TRIM24: variants seen among roughly 807,000 people sequenced by gnomAD.
TRIM24 encodes tripartite motif containing 24, also known as transcription intermediary factor 1-alpha.
TRIM24 carries 29 observed loss-of-function variants against 123.9 expected under a neutral mutation model. The observed-to-expected ratio is 0.23, with a 90% CI of 0.17 to 0.32. The LOEUF (loss-of-function observed/expected upper bound fraction) is 0.32. TRIM24 is among the 10% of genes least tolerant of loss of function. The pLI, the probability that TRIM24 is intolerant of heterozygous loss-of-function variation, is 1.00. For missense variants in TRIM24, 932 were observed against 1,295.3 expected, an observed-to-expected ratio of 0.72 and a Z score of 4.31; for synonymous variants, 456 against 461.1, an observed-to-expected ratio of 0.99 and a Z score of 0.14.
intron 1 of TRIM24, among the ~76,000 whole-genome samples, chr7:138,483,135 G>T (rs2116481396): frequency 6.6e-6 from 1 of 151,796 alleles, no homozygotes; most frequent in African/African-American, 2.4e-5. Flanking sequence ...GCCCAGGCTG[G>T]TGTCAAATCC....
At chr7:138,536,511 T>C (rs904259424) in intron 6 of TRIM24, among the ~76,000 whole-genome samples, 2 of 152,244 alleles carry the variant, frequency 1.3e-5, no homozygotes, top group Non-Finnish European at 2.9e-5. Flanking sequence ...GGTATCAGCA[T>C]TGGAGGCTGC....
At chr7:138,502,080 G>A (rs557822148) in intron 1 of TRIM24, among the ~76,000 whole-genome samples, 16 of 152,214 alleles carry the variant, frequency 1.1e-4, no homozygotes, top group South Asian at 4.2e-4. Flanking sequence ...TCCTTATTAG[G>A]TAGAGGTATA....
In TRIM24 at chr7:138,568,934, C is replaced by G. The variant is rs190087047; in HGVS notation, c.1704+1280C>G. Reference sequence around the variant, plus strand: ...AAAGTATGTACACTCTGTGTCTATACATATCTTCGTATAATCAATTTGCCT... The same window carrying G: ...AAAGTATGTACACTCTGTGTCTATAGATATCTTCGTATAATCAATTTGCCT... On this transcript the variant is annotated intron_variant, in intron 10 of 18. Transcript: ENST00000343526. Among the ~76,000 whole-genome samples, 382 of 152,242 alleles carry G rather than the reference C, an allele frequency of 2.5e-3. 6 individuals carry two copies. The highest frequency in any genetic ancestry group is 0.02 in the Admixed American group (307 of 15,282).
chr7:138,515,128 A>G (rs1792874069), intron 2 of TRIM24, 84 bp from the exon 3 acceptor site: 3 of 1,372,076 alleles, frequency 2.2e-6, no homozygotes, highest in African/African-American at 1.4e-5. Flanking sequence ...GCCTGGTACA[A>G]TTGGTGTATC....
chr7:138,531,894 T>C (rs913902112), intron 6 of TRIM24, among the ~76,000 whole-genome samples: 1 of 152,188 alleles, frequency 6.6e-6, no homozygotes, highest in Non-Finnish European at 1.5e-5. Flanking sequence ...TTCCTGACTT[T>C]TTAATGATGG....
chr7:138,509,800 C>G (rs994408432), intron 2 of TRIM24, among the ~76,000 whole-genome samples: 1 of 150,880 alleles, frequency 6.6e-6, no homozygotes, highest in African/African-American at 2.4e-5. Flanking sequence ...CTTAAAGTAT[C>G]ACAGAGGTAG....
chr7:138,480,623 GT>G (rs1795505755), intron 1 of TRIM24, among the ~76,000 whole-genome samples: 1 of 151,876 alleles, frequency 6.6e-6, no homozygotes, highest in Non-Finnish European at 1.5e-5. Context: ...GTGTGTGGGT[GT>G]TTTTTTGTTT....
At chr7:138,547,516 T>C (rs1238389600) in intron 7 of TRIM24, among the ~76,000 whole-genome samples, 1 of 152,210 alleles carries the variant, frequency 6.6e-6, no homozygotes, top group Non-Finnish European at 1.5e-5. Context: ...TATTGGTCAA[T>C]TAAAATAATG....
chr7:138,549,844 G>T (rs1027660488), intron 7 of TRIM24, among the ~76,000 whole-genome samples: 3 of 152,258 alleles, frequency 2.0e-5, no homozygotes, highest in East Asian at 3.9e-4. Context: ...GCAAGACGGG[G>T]TGTGCTTTAC....
intron 3 of TRIM24, 41 bp from the exon 4 acceptor site, chr7:138,519,148 T>C: frequency 1.9e-6 from 3 of 1,612,624 alleles, no homozygotes; most frequent in Non-Finnish European, 2.5e-6. Flanking sequence ...ACTATTCAAT[T>C]ATGTTAATTT....
Position 138,508,706 on chromosome 7 carries a change from T to TGC in TRIM24, c.483+4300_483+4301dup, listed in dbSNP as rs1554436677. Among the ~76,000 whole-genome samples the TGC allele has an allele frequency of 1.6e-3, 43 of 26,970 alleles. No homozygotes were observed. In the East Asian group the frequency reaches 0.026, roughly 16 times the overall value. The allele number at this position is 26,970 out of a possible 152,430, so 17.7% of individuals were successfully genotyped here. A position where few individuals can be genotyped will look rare whatever the true frequency, so the allele number is the denominator to read the frequency against. ...GTGTGTGTGTGTGCGCGCGCGTGTG[T>TGC]GCGTGTGTGTGTGCGTGTGTGTGTG... On this transcript the variant is annotated intron_variant, in intron 2 of 18. Coordinates refer to ENST00000343526, the MANE Select transcript of TRIM24 (RefSeq NM_015905.3).
intron 7 of TRIM24, among the ~76,000 whole-genome samples, chr7:138,540,474 C>A (rs892354738): frequency 6.6e-6 from 1 of 152,184 alleles, no homozygotes; most frequent in East Asian, 1.9e-4. Context: ...TCTCAAAAAA[C>A]CACTTTTCTG....
chr7:138,527,731 T>A (rs1584719882), intron 5 of TRIM24, among the ~76,000 whole-genome samples: 1 of 152,210 alleles, frequency 6.6e-6, no homozygotes, highest in Admixed American at 6.5e-5. Context: ...TTATTTTCTA[T>A]AAGATATTCT....
chr7:138,543,466 GTA>G (rs1172114642), intron 7 of TRIM24, among the ~76,000 whole-genome samples: 2 of 151,964 alleles, frequency 1.3e-5, no homozygotes, highest in Non-Finnish European at 2.9e-5. Context: ...TCATTATATT[GTA>G]TAACTCTGTT....
intron 9 of TRIM24, among the ~76,000 whole-genome samples, chr7:138,560,802 G>T (rs1291375965): frequency 6.6e-6 from 1 of 152,184 alleles, no homozygotes; most frequent in Non-Finnish European, 1.5e-5. Context: ...CTTTCATTTG[G>T]AGAGTAATTT....
chr7:138,489,582 G>A (rs1235660716), intron 1 of TRIM24, among the ~76,000 whole-genome samples: 2 of 152,080 alleles, frequency 1.3e-5, no homozygotes, highest in Non-Finnish European at 2.9e-5. Flanking sequence ...TGTCTATAAA[G>A]GATTTTATTT....
intron 3 of TRIM24, 113 bp from the exon 4 acceptor site, chr7:138,519,076 G>A (rs1796455394): frequency 8.1e-7 from 1 of 1,230,046 alleles, no homozygotes; most frequent in Non-Finnish European, 1.2e-6. Context: ...GTATAGTATA[G>A]GTGAAGCTGT....
intron 15 of TRIM24, among the ~76,000 whole-genome samples, chr7:138,579,938 GA>G (rs911622036): frequency 2.0e-5 from 3 of 149,994 alleles, no homozygotes; most frequent in South Asian, 2.1e-4. Context: ...ATTACAAAAA[GA>G]AAAAAAAATA....
At chr7:138,548,320 C>T (rs1441289804) in intron 7 of TRIM24, among the ~76,000 whole-genome samples, 3 of 151,210 alleles carry the variant, frequency 2.0e-5, no homozygotes, top group African/African-American at 7.3e-5. Flanking sequence ...AGTCAAAATA[C>T]AATACAAAGG....
Sources: gnomAD v4.1 joint callset for allele counts (sites outside exome capture counted in the v4.1 genomes callset) on GRCh38, gnomAD v4.1.1 for gene constraint, MANE v1.5 for transcripts, NCBI Gene and HGNC (gene_info 2026-07-23, HGNC 2026-07-21) for gene names.